Variants in ZRANB3 observed in about 807,000 individuals in gnomAD.
The protein encoded by ZRANB3 is DNA annealing helicase and endonuclease ZRANB3.
ZRANB3 carries 125 observed loss-of-function variants against 133.8 expected under a neutral mutation model. The observed-to-expected ratio is 0.93, with a 90% CI of 0.81 to 1.08. The LOEUF (loss-of-function observed/expected upper bound fraction) is 1.08. Among genes scored for constraint, ZRANB3 ranks in the 50% least tolerant of loss-of-function variants. The pLI, the probability that ZRANB3 is intolerant of heterozygous loss-of-function variation, is 0.00. For synonymous variants in ZRANB3, 387 were observed against 432.7 expected, an observed-to-expected ratio of 0.89 and a Z score of 1.31; for missense variants, 1,229 against 1,275.5, an observed-to-expected ratio of 0.96 and a Z score of 0.56.
intron 2 of ZRANB3, among the ~76,000 whole-genome samples, chr2:135,444,419 C>A (rs1456631524): frequency 6.6e-6 from 1 of 151,994 alleles, no homozygotes; most frequent in Non-Finnish European, 1.5e-5. Flanking sequence ...ACCCATACAA[C>A]AAAATACTCG....
intron 14 of ZRANB3, among the ~76,000 whole-genome samples, 176 bp downstream of exon 14, chr2:135,227,636 C>T (rs932909736): frequency 3.3e-5 from 5 of 152,332 alleles, no homozygotes; most frequent in Middle Eastern, 3.4e-3. Context: ...AACAGACACA[C>T]TCAGCTCTTC....
At chr2:135,468,548 C>T (rs1441117386) in intron 2 of ZRANB3, among the ~76,000 whole-genome samples, 1 of 152,156 alleles carries the variant, frequency 6.6e-6, no homozygotes, top group Non-Finnish European at 1.5e-5. Flanking sequence ...AAGACAACGT[C>T]TTATTCATTT....
chr2:135,399,975 C>A (rs1421002399), intron 2 of ZRANB3, among the ~76,000 whole-genome samples: 1 of 152,140 alleles, frequency 6.6e-6, no homozygotes, highest in East Asian at 1.9e-4. Flanking sequence ...GGTATGGTGG[C>A]TCACACCTGT....
chr2:135,351,265 CTTTTTTT>C (rs34205567), intron 4 of ZRANB3, among the ~76,000 whole-genome samples: 3 of 119,702 alleles, frequency 2.5e-5, no homozygotes, highest in East Asian at 2.3e-4. Flanking sequence ...CTATAATTTT[CTTTTTTT>C]TTTTTTTTTT....
chr2:135,326,141 A>T (rs146740667), intron 6 of ZRANB3, among the ~76,000 whole-genome samples: 1 of 152,326 alleles, frequency 6.6e-6, no homozygotes, highest in East Asian at 1.9e-4. Flanking sequence ...AAAACAGTAA[A>T]ATTATGTATT....
intron 2 of ZRANB3, among the ~76,000 whole-genome samples, chr2:135,392,742 C>T (rs1017509918): frequency 2.6e-5 from 4 of 151,970 alleles, no homozygotes; most frequent in Admixed American, 6.6e-5. Flanking sequence ...AGTGAGACTC[C>T]GTCTCAAAAA....
intron 3 of ZRANB3, among the ~76,000 whole-genome samples, chr2:135,377,180 G>A (rs1686467867): frequency 6.6e-6 from 1 of 152,194 alleles, no homozygotes; most frequent in African/African-American, 2.4e-5. Context: ...CTTAATGTGT[G>A]TGCATAGCAA....
chr2:135,439,909 T>C (rs1689706383), intron 2 of ZRANB3, among the ~76,000 whole-genome samples: 1 of 152,222 alleles, frequency 6.6e-6, no homozygotes, highest in Non-Finnish European at 1.5e-5. Flanking sequence ...TTCTATCACC[T>C]GTACCTTTAA....
At chr2:135,287,843 T>C (rs1457623571) in intron 8 of ZRANB3, among the ~76,000 whole-genome samples, 1 of 152,064 alleles carries the variant, frequency 6.6e-6, no homozygotes, top group South Asian at 2.1e-4. Context: ...GATGAGTCTT[T>C]AGGGTTTTCT....
chr2:135,378,945 G>A (rs1686557792), intron 3 of ZRANB3, among the ~76,000 whole-genome samples: 1 of 152,096 alleles, frequency 6.6e-6, no homozygotes, highest in Admixed American at 6.6e-5. Context: ...TTTCCTGGAT[G>A]GAATCCTAGT....
At chr2:135,323,138 T>TAA (rs753792484) in intron 6 of ZRANB3, among the ~76,000 whole-genome samples, 7 of 152,210 alleles carry the variant, frequency 4.6e-5, no homozygotes, top group Non-Finnish European at 1.0e-4. Context: ...TTATAAACAA[T>TAA]TATAAACAAA....
chr2:135,378,925 G>A (rs1686556588), intron 3 of ZRANB3, among the ~76,000 whole-genome samples: 1 of 152,156 alleles, frequency 6.6e-6, no homozygotes, highest in South Asian at 2.1e-4. Flanking sequence ...CTAATATGCA[G>A]AGTAATGTGT....
chr2:135,413,341 T>C (rs1312167365), intron 2 of ZRANB3, among the ~76,000 whole-genome samples: 1 of 152,196 alleles, frequency 6.6e-6, no homozygotes, highest in African/African-American at 2.4e-5. Flanking sequence ...TTTTGAGTTG[T>C]ATTTCTGTTA....
chr2:135,289,988 T>A (rs1681603925), intron 8 of ZRANB3, among the ~76,000 whole-genome samples: 1 of 152,206 alleles, frequency 6.6e-6, no homozygotes, highest in Admixed American at 6.5e-5. Flanking sequence ...TAGAGAATGT[T>A]CCATGTGCTG....
intron 4 of ZRANB3, among the ~76,000 whole-genome samples, chr2:135,352,460 T>C (rs927103761): frequency 6.6e-6 from 1 of 152,160 alleles, no homozygotes; most frequent in African/African-American, 2.4e-5. Flanking sequence ...TTCAGTTTTA[T>C]TGGAGAGGAG....
At chr2:135,416,566 T>C (rs1057040713) in intron 2 of ZRANB3, among the ~76,000 whole-genome samples, 5 of 151,596 alleles carry the variant, frequency 3.3e-5, no homozygotes, top group Admixed American at 6.6e-5. Context: ...GCCATCCCCA[T>C]CAAGCTACCA....
chr2:135,420,492 G>A (rs981911294), intron 2 of ZRANB3, among the ~76,000 whole-genome samples: 2 of 151,972 alleles, frequency 1.3e-5, no homozygotes, highest in African/African-American at 4.8e-5. Flanking sequence ...GCTAGTGTTG[G>A]TCAAATATAC....
chr2:135,237,949 C>A (rs1695374247), intron 12 of ZRANB3, among the ~76,000 whole-genome samples: 1 of 151,930 alleles, frequency 6.6e-6, no homozygotes, highest in Non-Finnish European at 1.5e-5. Flanking sequence ...AAACAAAAAA[C>A]AAAAAACAAA....
chr2:135,272,364 G>T (rs1195349519), intron 9 of ZRANB3, among the ~76,000 whole-genome samples: 1 of 148,126 alleles, frequency 6.8e-6, no homozygotes, highest in Non-Finnish European at 1.5e-5. Context: ...TTCATGAAGA[G>T]TAGTACATTT....
Sources: allele counts gnomAD v4.1 joint callset (sites outside exome capture counted in the v4.1 genomes callset), GRCh38; gene constraint gnomAD v4.1.1; transcripts MANE v1.5; gene names NCBI Gene and HGNC (gene_info 2026-07-23, HGNC 2026-07-21).